The following FBXL13 variants were observed in gnomAD, a reference collection of about 807,000 sequenced individuals.
FBXL13 encodes F-box and leucine rich repeat protein 13.
In FBXL13, 67 loss-of-function variants were observed where a neutral mutation model predicts 83.6. The ratio of observed to expected loss-of-function variants is 0.80; its 90% confidence interval spans 0.66 to 0.98. FBXL13 has a LOEUF of 0.98. Ranked by LOEUF, FBXL13 falls within the 50% of genes least tolerant of loss-of-function variation. The pLI is 0.00. For synonymous variants in FBXL13, 272 were observed against 299.5 expected, an observed-to-expected ratio of 0.91 and a Z score of 0.95; for missense variants, 822 against 866.5, an observed-to-expected ratio of 0.95 and a Z score of 0.64.
intron 17 of FBXL13, among the ~76,000 whole-genome samples, chr7:102,851,453 T>C (rs945371457): frequency 4.1e-5 from 2 of 48,422 alleles, no homozygotes; most frequent in African/African-American, 3.4e-4. Context: ...CCTTCCTTCC[T>C]TCCCTCCCTC....
At chr7:102,881,561 A>AGT (rs113934324) in intron 14 of FBXL13, among the ~76,000 whole-genome samples, 483 of 131,478 alleles carry the variant, frequency 3.7e-3, no homozygotes, top group Non-Finnish European at 4.6e-3. Flanking sequence ...TTGTGTATGT[A>AGT]GTGTGTGTGT....
At chr7:102,991,932 C>A (rs906848011) in intron 6 of FBXL13, among the ~76,000 whole-genome samples, 3 of 152,188 alleles carry the variant, frequency 2.0e-5, no homozygotes, top group African/African-American at 7.2e-5. Context: ...GAGCCTCCTA[C>A]CCCTCCAGTC....
At position 102,926,381 on chromosome 7, in the gene FBXL13, GAA is replaced by G. The variant is rs1393190614; in HGVS notation, c.778-9_778-8del. Reference sequence around the variant, plus strand: ...TGTGTCTCATTGATTCATCCTGCATGAAAAACAGAGGGAAGAGGCTTATCAAA... The same window carrying G: ...TGTGTCTCATTGATTCATCCTGCATGAAACAGAGGGAAGAGGCTTATCAAA... On this transcript the variant is annotated splice_region_variant and splice_polypyrimidine_tract_variant and intron_variant, in intron 9 of 19. Coordinates refer to ENST00000313221, the Ensembl canonical transcript of FBXL13. 6.2e-7 allele frequency: 1 copy of G among 1,606,822 alleles called. No homozygotes were observed. The highest frequency in any genetic ancestry group is 1.3e-5 in the African/African-American group (1 of 74,626).
intron 7 of FBXL13, among the ~76,000 whole-genome samples, 199 bp downstream of exon 8, chr7:102,967,823 G>A (rs1382488925): frequency 1.3e-5 from 2 of 152,190 alleles, no homozygotes; most frequent in African/African-American, 4.8e-5. Context: ...AAATACTAAT[G>A]ATGTATCTCT....
intron 2 of FBXL13, among the ~76,000 whole-genome samples, chr7:103,034,107 G>C (rs1407107225): frequency 2.0e-5 from 3 of 152,232 alleles, no homozygotes; most frequent in African/African-American, 7.2e-5. Flanking sequence ...GCTGATTGGT[G>C]TATTTACAAT....
At chr7:103,042,003 G>C (rs981348488) in intron 2 of FBXL13, among the ~76,000 whole-genome samples, 6 of 152,052 alleles carry the variant, frequency 3.9e-5, no homozygotes, top group African/African-American at 9.7e-5. Flanking sequence ...AGACATAAAG[G>C]GTATTCAATT....
chr7:103,017,326 C>T (rs201866884), intron 6 of FBXL13, among the ~76,000 whole-genome samples: 30 of 147,848 alleles, frequency 2.0e-4, no homozygotes, highest in South Asian at 4.3e-4. Flanking sequence ...CCCATCTGTA[C>T]GTCACCATCA....
At chr7:102,952,145 T>C (rs1823524219) in intron 8 of FBXL13, among the ~76,000 whole-genome samples, 1 of 152,138 alleles carries the variant, frequency 6.6e-6, no homozygotes, top group Non-Finnish European at 1.5e-5. Context: ...AGTCATCAAA[T>C]TCATAGAGAT....
intron 10 of FBXL13, among the ~76,000 whole-genome samples, chr7:102,913,942 C>T (rs1342521776): frequency 6.6e-6 from 1 of 152,164 alleles, no homozygotes; most frequent in Non-Finnish European, 1.5e-5. Context: ...TATGGTATTA[C>T]CACAATGACC....
chr7:103,060,036 ATATATATATATATATATATATATATATAC>A lies in FBXL13; in HGVS notation c.-104-4318_-104-4290del, dbSNP rs745314682. 2.3e-3 allele frequency among the ~76,000 whole-genome samples: 214 copies of A among 92,326 alleles called. 7 individuals are homozygous for A. Among genetic ancestry groups the A allele is most frequent in the East Asian group, 0.022 (62 of 2,786 alleles). 60.6% of individuals were successfully genotyped at this position (92,326 alleles called of 152,430 possible). A position where few individuals can be genotyped will look rare whatever the true frequency, so the allele number is the denominator to read the frequency against. ...CAAGATATTTTATATATATATATAT[ATATATATATATATATATATATATATATAC>A]TTTTTTTTTTTTTTGAGACAAGGTC... On this transcript the variant is annotated intron_variant, in intron 1 of 19. Transcript: ENST00000313221.
intron 14 of FBXL13, among the ~76,000 whole-genome samples, chr7:102,881,855 G>A (rs915262725): frequency 6.6e-6 from 1 of 152,152 alleles, no homozygotes; most frequent in African/African-American, 2.4e-5. Context: ...GCCCTTGGCT[G>A]GAGCCCTCAT....
intron 8 of FBXL13, among the ~76,000 whole-genome samples, chr7:102,945,702 C>T (rs1327550568): frequency 4.6e-5 from 7 of 152,174 alleles, no homozygotes; most frequent in Non-Finnish European, 7.4e-5. Flanking sequence ...AAGAAATATT[C>T]GCATGTCCTT....
exon 15 of FBXL13, chr7:102,878,400 C>T (rs1452471446): frequency 6.2e-7 from 1 of 1,609,722 alleles, no homozygotes. Flanking sequence ...CTCTCTTATC[C>T]TCATGCTTGC....
chr7:103,038,265 T>C (rs979616755), intron 2 of FBXL13, among the ~76,000 whole-genome samples: 1 of 152,170 alleles, frequency 6.6e-6, no homozygotes, highest in Non-Finnish European at 1.5e-5. Context: ...GCATCTGCCA[T>C]TGCTGAGGCT....
At chr7:103,018,747 C>A (rs9690892) in intron 6 of FBXL13, among the ~76,000 whole-genome samples, 1,697 of 152,154 alleles carry the variant, frequency 0.011, 35 homozygotes, top group African/African-American at 0.039. Context: ...ACATAATGGT[C>A]AAGGGATCAA....
intron 6 of FBXL13, among the ~76,000 whole-genome samples, chr7:103,012,782 C>T (rs1024501935): frequency 1.2e-4 from 18 of 152,270 alleles, no homozygotes; most frequent in African/African-American, 3.9e-4. Context: ...AACATGATGA[C>T]GGGATCAAAT....
intron 16 of FBXL13, among the ~76,000 whole-genome samples, chr7:102,870,449 A>G (rs191855875): frequency 6.6e-6 from 1 of 152,360 alleles, no homozygotes; most frequent in Non-Finnish European, 1.5e-5. Flanking sequence ...TATAATAGAA[A>G]AAATAATGTC....
chr7:103,004,831 C>G (rs921520318), intron 6 of FBXL13, among the ~76,000 whole-genome samples: 1 of 152,154 alleles, frequency 6.6e-6, no homozygotes, highest in African/African-American at 2.4e-5. Flanking sequence ...TGGTGATAAT[C>G]CTGGTGCTCA....
At chr7:102,954,976 A>C (rs112465141) in intron 8 of FBXL13, among the ~76,000 whole-genome samples, 76 of 152,350 alleles carry the variant, frequency 5.0e-4, no homozygotes, top group African/African-American at 1.7e-3. Context: ...AATATTAGAT[A>C]GATCAACAAG....
Sources: allele counts gnomAD v4.1 joint callset (sites outside exome capture counted in the v4.1 genomes callset), GRCh38; gene constraint gnomAD v4.1.1; transcripts MANE v1.5; gene names NCBI Gene and HGNC (gene_info 2026-07-23, HGNC 2026-07-21).